The following HDAC4 variants were observed in gnomAD, a reference collection of about 807,000 sequenced individuals.
The protein encoded by HDAC4 is histone deacetylase 4.
In HDAC4, 16 loss-of-function variants were observed where a neutral mutation model predicts 135.1. The observed-to-expected ratio is 0.12, with a 90% CI of 0.08 to 0.18. HDAC4 has a LOEUF of 0.18. HDAC4 is among the 10% of genes least tolerant of loss of function. HDAC4 has a pLI of 1.00. For synonymous variants in HDAC4, 685 were observed against 653.4 expected, an observed-to-expected ratio of 1.05 and a Z score of -0.74; for missense variants, 1,143 against 1,511.8, an observed-to-expected ratio of 0.76 and a Z score of 4.05.
In HDAC4 at chr2:239,141,129, G is replaced by A. The variant is rs918242806; in HGVS notation, c.866-1333C>T. 6.6e-6 allele frequency among the ~76,000 whole-genome samples: 1 copy of A among 152,190 alleles called. No homozygotes were observed. Among genetic ancestry groups the A allele is most frequent in the African/African-American group, 2.4e-5 (1 of 41,448 alleles). ...AGCAACATCACTCGTCCCAGGCCACGTGGCTTGAGGGAACTGTCATGGGCG... is the reference window on the plus strand; with the variant it reads ...AGCAACATCACTCGTCCCAGGCCACATGGCTTGAGGGAACTGTCATGGGCG... On this transcript the variant is annotated intron_variant, in intron 8 of 26. Coordinates refer to ENST00000543185, the MANE Select transcript of HDAC4 (RefSeq NM_001378414.1). This position sits in a 1 kb window ranked among gnomAD's most constrained non-coding sequence, Gnocchi z 4.9.
rs1046042413 is a variant in HDAC4, at chr2:239,400,827, G to C, written c.-220+151C>G. On this transcript the variant is annotated intron_variant, in intron 1 of 26. Coordinates refer to ENST00000543185, the MANE Select transcript of HDAC4 (RefSeq NM_001378414.1). The surrounding 1 kb of genome is among the most constrained non-coding windows in gnomAD (Gnocchi z 4.7). ...GCCGGGACGCGGCCACGGCGCCGCC[G>C]GGGGCCCAGGCTGGGAGGCTGTTCG... is the stretch of plus-strand genomic sequence containing the variant. 2.1e-5 allele frequency: 3 copies of C among 145,958 alleles called. No individual in the cohort carries two copies. The highest frequency in any genetic ancestry group is 7.4e-5 in the African/African-American group (3 of 40,464). 9.0% of individuals were successfully genotyped at this position (145,958 alleles called of 1,614,324 possible).
intron 1 of HDAC4, among the ~76,000 whole-genome samples, chr2:239,354,502 T>C (rs1191559274): frequency 2.0e-5 from 3 of 152,134 alleles, no homozygotes; most frequent in African/African-American, 7.2e-5. Flanking sequence ...CAGAGGCTTC[T>C]GTGTTCATCT....
At chr2:239,140,789 T>A (rs776215482) in intron 8 of HDAC4, 1 of 323,310 alleles carries the variant, frequency 3.1e-6, no homozygotes, top group Non-Finnish European at 6.6e-6. Flanking sequence ...AACGGAGCCA[T>A]CCCCAGCAAA....
At chr2:239,360,935 G>A (rs1475159003) in intron 1 of HDAC4, among the ~76,000 whole-genome samples, 1 of 152,162 alleles carries the variant, frequency 6.6e-6, no homozygotes, top group African/African-American at 2.4e-5. Flanking sequence ...TCTCCAGACG[G>A]CTTAGAGGCT....
intron 1 of HDAC4, among the ~76,000 whole-genome samples, chr2:239,380,137 T>C (rs1414946419): frequency 6.6e-6 from 1 of 152,160 alleles, no homozygotes; most frequent in Non-Finnish European, 1.5e-5. Context: ...TGAGGCTCGA[T>C]TCATTCAGAG....
At chr2:239,373,137 G>C (rs934796891) in intron 1 of HDAC4, among the ~76,000 whole-genome samples, 1 of 152,090 alleles carries the variant, frequency 6.6e-6, no homozygotes, top group African/African-American at 2.4e-5. Context: ...TGAAGTATCT[G>C]CTTATTTCTC....
intron 2 of HDAC4, among the ~76,000 whole-genome samples, chr2:239,269,835 A>G (rs2049962192): frequency 6.6e-6 from 1 of 152,232 alleles, no homozygotes; most frequent in South Asian, 2.1e-4. Context: ...TCCACACACA[A>G]CAGTATAATT....
rs74953908 is a variant in HDAC4, at chr2:239,236,558, G to A, written c.94+35C>T. On this transcript the variant is annotated intron_variant, in intron 3 of 26. Transcript: ENST00000543185. ...TGAACACCTCTTTGGCTCAGCGCAG[G>A]GCCGGCCGGACAGGGCAGGGGTGGG... is the stretch of plus-strand genomic sequence containing the variant. 3.3e-3 allele frequency: 5,105 copies of A among 1,528,588 alleles called. 128 individuals are homozygous for A. In the East Asian group the frequency reaches 0.056, roughly 17 times the overall value. The allele number at this position is 1,528,588 out of a possible 1,614,324, so 94.7% of individuals were successfully genotyped here. A position where few individuals can be genotyped will look rare whatever the true frequency, so the allele number is the denominator to read the frequency against.
chr2:239,125,892 G>C (rs1158133704), intron 12 of HDAC4, among the ~76,000 whole-genome samples: 1 of 152,260 alleles, frequency 6.6e-6, no homozygotes, highest in African/African-American at 2.4e-5. Flanking sequence ...TCGACTTCCT[G>C]CTGGAGTTCT....
intron 1 of HDAC4, among the ~76,000 whole-genome samples, chr2:239,362,698 G>A (rs539322350): frequency 6.6e-6 from 1 of 152,256 alleles, no homozygotes; most frequent in African/African-American, 2.4e-5. Context: ...AGTCCAGAAC[G>A]CCAAATACAC....
At position 239,167,046 on chromosome 2, in the gene HDAC4, T is replaced by A. The variant is rs990202132; in HGVS notation, c.491-3123A>T. 6.6e-6 allele frequency among the ~76,000 whole-genome samples: 1 copy of A among 151,498 alleles called. No homozygotes were observed. The highest frequency in any genetic ancestry group is 2.4e-5 in the African/African-American group (1 of 41,138). ...GATGAGGACCCAGATGGCCAGTTGTTGGAGGGGACTGCCCTGCAGGTCCCC... is the reference window on the plus strand; with the variant it reads ...GATGAGGACCCAGATGGCCAGTTGTAGGAGGGGACTGCCCTGCAGGTCCCC... On this transcript the variant is annotated intron_variant, in intron 5 of 26. Coordinates refer to ENST00000543185, the MANE Select transcript of HDAC4 (RefSeq NM_001378414.1). This position sits in a 1 kb window ranked among gnomAD's most constrained non-coding sequence, Gnocchi z 4.1.
chr2:239,054,292 A>T (rs1222045959), intron 25 of HDAC4, among the ~76,000 whole-genome samples: 2 of 152,050 alleles, frequency 1.3e-5, no homozygotes, highest in Non-Finnish European at 2.9e-5. Flanking sequence ...TGCACCCAGG[A>T]CCTGCTGCTT....
chr2:239,294,937 C>G (rs911419798), intron 2 of HDAC4, among the ~76,000 whole-genome samples: 5 of 152,122 alleles, frequency 3.3e-5, no homozygotes, highest in Non-Finnish European at 7.4e-5. Flanking sequence ...GACTGTCCAA[C>G]GGCTTCGGGA....
At chr2:239,097,847 T>C (rs529123353) in intron 16 of HDAC4, among the ~76,000 whole-genome samples, 1 of 152,304 alleles carries the variant, frequency 6.6e-6, no homozygotes, top group African/African-American at 2.4e-5. Context: ...GGTCATGGCC[T>C]TGGTGAGTGG....
chr2:239,174,310 C>G (rs1471613267), intron 5 of HDAC4, among the ~76,000 whole-genome samples: 1 of 152,096 alleles, frequency 6.6e-6, no homozygotes, highest in Non-Finnish European at 1.5e-5. Context: ...ATATAAAGAA[C>G]AACTCCAAAT....
intron 3 of HDAC4, among the ~76,000 whole-genome samples, chr2:239,231,926 C>A (rs1282542616): frequency 1.4e-5 from 2 of 146,350 alleles, no homozygotes; most frequent in African/African-American, 5.0e-5. Flanking sequence ...CTCCCCGAAG[C>A]GCCCCTCTCC....
chr2:239,104,025 G>T (rs2037899841), intron 15 of HDAC4, among the ~76,000 whole-genome samples: 1 of 150,290 alleles, frequency 6.7e-6, no homozygotes, highest in Non-Finnish European at 1.5e-5. Flanking sequence ...CTCTATGAAG[G>T]TCTCTTGTTT....
At chr2:239,122,072 A>G (rs1371610023) in intron 12 of HDAC4, among the ~76,000 whole-genome samples, 1 of 152,258 alleles carries the variant, frequency 6.6e-6, no homozygotes, top group Non-Finnish European at 1.5e-5. Context: ...GTCAGGCTGG[A>G]GTTCACGGCC....
intron 2 of HDAC4, among the ~76,000 whole-genome samples, chr2:239,276,519 GA>G (rs1308257242): frequency 6.6e-6 from 1 of 152,218 alleles, no homozygotes; most frequent in Non-Finnish European, 1.5e-5. Context: ...TGCTGTTCCT[GA>G]AACGGCTTCA....
Sources: allele counts gnomAD v4.1 joint callset (sites outside exome capture counted in the v4.1 genomes callset), GRCh38; gene constraint gnomAD v4.1.1; non-coding constraint Gnocchi (gnomAD v3.1); transcripts MANE v1.5; gene names NCBI Gene and HGNC (gene_info 2026-07-23, HGNC 2026-07-21).